Variants in CYTH1 observed in about 807,000 individuals in gnomAD.
CYTH1 encodes cytohesin-1.
In CYTH1, 18 loss-of-function variants were observed where a neutral mutation model predicts 61.8. That is an observed-to-expected ratio of 0.29 (90% confidence interval 0.20 to 0.43). CYTH1 has a LOEUF of 0.43. Among genes scored for constraint, CYTH1 ranks in the 20% least tolerant of loss-of-function variants. CYTH1 has a pLI of 1.00. For synonymous variants in CYTH1, 174 were observed against 184.3 expected (o/e 0.94, Z 0.45); for missense variants, 336 against 510.5 (o/e 0.66, Z 3.29).
intron 12 of CYTH1, 64 bp from the exon 13 acceptor site, chr17:78,680,408 G>T: frequency 1.3e-6 from 2 of 1,514,100 alleles, no homozygotes; most frequent in South Asian, 2.6e-5. Flanking sequence ...GAAACATGCT[G>T]ATTTCTTTCC....
intron 11 of CYTH1, among the ~76,000 whole-genome samples, chr17:78,681,855 A>C (rs939406511): frequency 2.6e-5 from 4 of 151,316 alleles, no homozygotes; most frequent in South Asian, 2.1e-4. Flanking sequence ...AAAAAAAAAA[A>C]CCAACCAGTT....
intron 11 of CYTH1, among the ~76,000 whole-genome samples, chr17:78,686,000 G>C (rs966427991): frequency 6.6e-6 from 1 of 152,174 alleles, no homozygotes; most frequent in Non-Finnish European, 1.5e-5. Context: ...ACAGTTTCCT[G>C]AAATACGGTG....
rs1336974691 is a variant in CYTH1 at position 78,760,374 on chromosome 17, TATATATATATACAC to T, written c.22+21814_22+21827del. Among the ~76,000 whole-genome samples, 77 of 63,050 alleles carry T rather than the reference TATATATATATACAC, an allele frequency of 1.2e-3. 3 individuals are homozygous for T. The highest frequency in any genetic ancestry group is 4.8e-3 in the South Asian group (9 of 1,876). 41.4% of individuals were successfully genotyped at this position (63,050 alleles called of 152,430 possible). On this transcript the variant is annotated intron_variant, in intron 1 of 13. Coordinates refer to ENST00000446868, the MANE Select transcript of CYTH1 (RefSeq NM_004762.6). ...GCAGGTTTATATATATATATATATA[TATATATATATACAC>T]ACACATACATATATATATGTGTATA...
At chr17:78,698,153 A>G in intron 9 of CYTH1, 116 bp downstream of exon 9, 1 of 852,356 alleles carries the variant, frequency 1.2e-6, no homozygotes, top group Non-Finnish European at 2.0e-6. Context: ...GCACGCGCAC[A>G]CATGCACACG....
chr17:78,711,306 T>TA (rs1270598813), intron 1 of CYTH1, among the ~76,000 whole-genome samples: 1,575 of 98,514 alleles, frequency 0.016, 48 homozygotes, highest in South Asian at 0.12. Flanking sequence ...ATAAATAATA[T>TA]ATATATATAC....
At chr17:78,757,421 T>G (rs1452717192) in intron 1 of CYTH1, among the ~76,000 whole-genome samples, 1 of 152,180 alleles carries the variant, frequency 6.6e-6, no homozygotes, top group Admixed American at 6.5e-5. Flanking sequence ...TCTATTCATG[T>G]CTAAATTGCA....
chr17:78,676,244 T>A, intron 13 of CYTH1, 75 bp from the exon 14 acceptor site: 1 of 1,485,078 alleles, frequency 6.7e-7, no homozygotes, highest in Non-Finnish European at 9.2e-7. Context: ...CAGGGGATTC[T>A]CAGGGGCCCC....
At chr17:78,754,739 A>AGTTT (rs34663309) in intron 1 of CYTH1, among the ~76,000 whole-genome samples, 8,285 of 152,212 alleles carry the variant, frequency 0.054, 403 homozygotes, top group South Asian at 0.15. Context: ...AGGTAAATCC[A>AGTTT]TTTTTAAATT....
rs181614987 is a variant in CYTH1, at chr17:78,782,057, G to C, written c.22+145C>G. ...CCGCCCCGCGAGGGCCCCGCGCACC[G>C]CTCGCCCGCCGGTCGCCCCGGGCTC... is the stretch of plus-strand genomic sequence containing the variant. On this transcript the variant is annotated intron_variant, in intron 1 of 13. Transcript: ENST00000446868. 1,690 of 682,710 alleles carry C rather than the reference G, an allele frequency of 2.5e-3. 29 individuals carry two copies. The African/African-American group carries it at 0.031, about 12-fold the overall frequency. 42.3% of individuals were successfully genotyped at this position (682,710 alleles called of 1,614,324 possible).
At chr17:78,681,139 C>A in intron 11 of CYTH1, 97 bp from the exon 12 acceptor site, 2 of 1,213,012 alleles carry the variant, frequency 1.6e-6, no homozygotes, top group Non-Finnish European at 1.2e-6. Flanking sequence ...TTCCTGCTTT[C>A]TCCCAGGACA....
rs750855980 is a variant in CYTH1, at chr17:78,675,001, C to T, written c.*1090G>A. On this transcript the variant is annotated 3_prime_UTR_variant, in exon 14 of 14. Transcript: ENST00000446868. The stretch of plus-strand genomic sequence containing the variant: ...CTAGGGGGCCCACCACAAAATGCAT[C>T]CAGAGTAGTCCAGTTAGGGCTGGTT... 6.6e-6 allele frequency: 1 copy of T among 152,334 alleles called. No homozygotes were observed. The highest frequency in any genetic ancestry group is 6.5e-5 in the Admixed American group (1 of 15,280). 9.4% of individuals were successfully genotyped at this position (152,334 alleles called of 1,614,324 possible). A position where few individuals can be genotyped will look rare whatever the true frequency, so the allele number is the denominator to read the frequency against.
At chr17:78,772,914 C>A in intron 1 of CYTH1, among the ~76,000 whole-genome samples, 1 of 152,140 alleles carries the variant, frequency 6.6e-6, no homozygotes, top group Non-Finnish European at 1.5e-5. Context: ...ACTGCAACCT[C>A]CGCCTCCCAG....
At chr17:78,676,678 C>T in intron 13 of CYTH1, 1 of 301,720 alleles carries the variant, frequency 3.3e-6, no homozygotes, top group Non-Finnish European at 6.5e-6. Flanking sequence ...GCAGGCGGCA[C>T]TGCCCAGCAC....
rs1476004990 is a variant in CYTH1 at position 78,724,485 on chromosome 17, C to T, written c.23-14753G>A. On this transcript the variant is annotated intron_variant, in intron 1 of 13. Transcript: ENST00000446868. ...AGGTCACTCTTTGTGGTGGGGGCTT[C>T]CCTGTGCCTTGCAGGGTGCTTAGCT... Among the ~76,000 whole-genome samples, 3 of 152,176 alleles carry T rather than the reference C, an allele frequency of 2.0e-5. No individual in the cohort carries two copies. The East Asian group carries it at 5.8e-4, about 29-fold the overall frequency.
intron 1 of CYTH1, among the ~76,000 whole-genome samples, chr17:78,710,973 T>C (rs1425883535): frequency 1.3e-5 from 2 of 151,960 alleles, no homozygotes; most frequent in South Asian, 2.1e-4. Context: ...GTAAAAAATA[T>C]ACACCGAGGC....
chr17:78,745,908 A>AT (rs2093357888), intron 1 of CYTH1, among the ~76,000 whole-genome samples: 1 of 152,024 alleles, frequency 6.6e-6, no homozygotes, highest in Admixed American at 6.6e-5. Context: ...AGAAAAAAAA[A>AT]TTTCATTACC....
At chr17:78,732,052 TCTG>T (rs1361598801) in intron 1 of CYTH1, among the ~76,000 whole-genome samples, 10 of 152,304 alleles carry the variant, frequency 6.6e-5, no homozygotes, top group Admixed American at 2.6e-4. Context: ...AACGGGAATC[TCTG>T]CTGTTTCCTA....
At chr17:78,750,782 A>AGAGAGC (rs1430983932) in intron 1 of CYTH1, among the ~76,000 whole-genome samples, 11 of 148,112 alleles carry the variant, frequency 7.4e-5, no homozygotes, top group Admixed American at 2.7e-4. Context: ...AGACTGGGCG[A>AGAGAGC]GAGAGCGAGA....
chr17:78,766,207 T>A (rs1388421538), intron 1 of CYTH1, among the ~76,000 whole-genome samples: 1 of 152,008 alleles, frequency 6.6e-6, no homozygotes, highest in Admixed American at 6.6e-5. Flanking sequence ...AGAAACATTA[T>A]TCTGCTAGTG....
Sources: allele counts gnomAD v4.1 joint callset (sites outside exome capture counted in the v4.1 genomes callset), GRCh38; gene constraint gnomAD v4.1.1; transcripts MANE v1.5; gene names NCBI Gene and HGNC (gene_info 2026-07-23, HGNC 2026-07-21).